STK31: variants seen among roughly 807,000 people sequenced by gnomAD.
The protein encoded by STK31 is serine/threonine-protein kinase 31.
Under a neutral mutation model 129.7 loss-of-function variants are expected in STK31, and 89 were observed. The ratio of observed to expected loss-of-function variants is 0.69; its 90% CI spans 0.58 to 0.82. The LOEUF is 0.82. Ranked by LOEUF, STK31 falls within the 40% of genes least tolerant of loss-of-function variation. The pLI, the probability that STK31 is intolerant of heterozygous loss-of-function variation, is 0.00. For missense variants in STK31, 1,187 were observed against 1,176.4 expected (o/e 1.01, Z -0.13); for synonymous variants, 448 against 395.3 (o/e 1.13, Z -1.58).
intron 22 of STK31, among the ~76,000 whole-genome samples, chr7:23,792,538 G>C (rs1177938772): frequency 6.6e-6 from 1 of 152,046 alleles, no homozygotes; most frequent in East Asian, 1.9e-4. Flanking sequence ...GTTGTTCTTG[G>C]CTTATAGATT....
chr7:23,824,071 G>GCT (rs1348611450), intron 23 of STK31, among the ~76,000 whole-genome samples: 2 of 152,148 alleles, frequency 1.3e-5, no homozygotes, highest in African/African-American at 4.8e-5. Flanking sequence ...GGATTGACTT[G>GCT]GCAATGCGGG....
At chr7:23,784,991 T>A (rs1234002828) in intron 17 of STK31, among the ~76,000 whole-genome samples, 2 of 152,174 alleles carry the variant, frequency 1.3e-5, no homozygotes, top group African/African-American at 4.8e-5. Flanking sequence ...TTTTTACAAA[T>A]GTTTATTTCA....
chr7:23,751,445 C>G (rs772945343), intron 8 of STK31, among the ~76,000 whole-genome samples: 10 of 152,124 alleles, frequency 6.6e-5, no homozygotes, highest in Non-Finnish European at 1.3e-4. Context: ...TGGTTTCAGT[C>G]CTTTTAAGTT....
chr7:23,754,346 G>A lies in STK31; in HGVS notation c.1165G>A (p.Asp389Asn). The A allele has an allele frequency of 6.2e-7, 1 of 1,612,550 alleles. No homozygotes were observed. The highest frequency in any genetic ancestry group is 8.5e-7 in the Non-Finnish European group (1 of 1,179,596). ...HVDISVRFGK[D>N]LSDAIQVLDE... ...CGACATCAGTGTCCGTTTCGGAAAAGACCTTTCAGATGCTATACAAGTGTT... is the reference window on the plus strand; with the variant it reads ...CGACATCAGTGTCCGTTTCGGAAAAAACCTTTCAGATGCTATACAAGTGTT... The change falls in exon 10 of 24, where the codon GAC (aspartate) becomes AAC (asparagine). Residue 389 changes from aspartate to asparagine, a missense_variant. By Grantham distance (23) the Asp-to-Asn change is conservative (BLOSUM62 1). This residue lies in a region of STK31 where 975 missense variants were observed against 934.9 expected (regional missense o/e 1.04). Coordinates refer to ENST00000355870, the MANE Select transcript of STK31 (RefSeq NM_031414.5).
intron 22 of STK31, among the ~76,000 whole-genome samples, chr7:23,803,229 T>C (rs898436615): frequency 6.6e-6 from 1 of 152,008 alleles, no homozygotes; most frequent in African/African-American, 2.4e-5. Context: ...TAGTGTAAAA[T>C]ATATAAAAGG....
chr7:23,712,846 C>T (rs1225722395), intron 3 of STK31, among the ~76,000 whole-genome samples: 17 of 152,124 alleles, frequency 1.1e-4, no homozygotes, highest in Admixed American at 1.1e-3. Flanking sequence ...AGGTAAATTC[C>T]TCTGATGCAC....
intron 22 of STK31, among the ~76,000 whole-genome samples, chr7:23,806,922 AGAG>A (rs1792750616): frequency 6.7e-6 from 1 of 148,660 alleles, no homozygotes; most frequent in East Asian, 2.0e-4. Context: ...AAAAAAAAAA[AGAG>A]AGATACAGGA....
chr7:23,797,628 T>C (rs1792057126), intron 22 of STK31, among the ~76,000 whole-genome samples: 1 of 152,114 alleles, frequency 6.6e-6, no homozygotes, highest in African/African-American at 2.4e-5. Flanking sequence ...AGAGGGAAAT[T>C]TATAGCACTA....
chr7:23,730,856 TTATATATA>T (rs201160478), intron 6 of STK31, among the ~76,000 whole-genome samples: 10 of 75,230 alleles, frequency 1.3e-4, no homozygotes, highest in Admixed American at 8.2e-4. Flanking sequence ...ATATAAACAT[TTATATATA>T]TATATATATA....
intron 23 of STK31, among the ~76,000 whole-genome samples, chr7:23,816,663 A>G (rs1292911924): frequency 1.3e-5 from 2 of 152,196 alleles, no homozygotes; most frequent in Non-Finnish European, 2.9e-5. Context: ...CCCTGTTTCC[A>G]TCATGGCAGC....
chr7:23,751,661 A>G (rs932855483), intron 8 of STK31, among the ~76,000 whole-genome samples: 2 of 152,172 alleles, frequency 1.3e-5, no homozygotes, highest in Admixed American at 6.5e-5. Context: ...AAGTACTGAA[A>G]TCTAAATATT....
chr7:23,772,426 G>T, intron 15 of STK31, 148 bp downstream of exon 15: 1 of 780,902 alleles, frequency 1.3e-6, no homozygotes. Context: ...CTTGTTTTCT[G>T]TGTATATAAA....
In STK31 at chr7:23,769,012, A is replaced by G. The variant is rs1297704574; in HGVS notation, c.1434A>G (p.Leu478=). ...CTCTGCAGGATTTGTCAGTCTCTTT[A>G]GAAGCAGTGTATGGACAAGCCAAAG... is the stretch of plus-strand genomic sequence containing the variant. ...LKTLQDLSVS[L]EAVYGQAKEG... is the part of the protein sequence containing the mutation. Residue 478 remains leucine, a synonymous_variant, in exon 12 of 24, where the codon TTA becomes TTG. Transcript: ENST00000355870. 3.1e-6 allele frequency: 5 copies of G among 1,602,414 alleles called. No individual in the cohort carries two copies. The African/African-American group carries it at 4.0e-5, about 13-fold the overall frequency.
intron 22 of STK31, among the ~76,000 whole-genome samples, chr7:23,793,712 A>G (rs193094731): frequency 6.4e-4 from 98 of 152,326 alleles, no homozygotes; most frequent in African/African-American, 2.2e-3. Context: ...ACTATAATGT[A>G]TAAAATTAAA....
At position 23,785,607 on chromosome 7, in the gene STK31, A is replaced by G; in HGVS notation, c.2274+4A>G. 6.2e-7 allele frequency: 1 copy of G among 1,610,382 alleles called. No individual in the cohort carries two copies. Among genetic ancestry groups the G allele is most frequent in the Non-Finnish European group, 8.5e-7 (1 of 1,177,350 alleles). On this transcript the variant is annotated splice_donor_region_variant and intron_variant, in intron 18 of 23. Coordinates refer to ENST00000355870, the MANE Select transcript of STK31 (RefSeq NM_031414.5). ...TGGGCAGATAATTCTGTTAAAGGTA[A>G]GTCTAACTTCTTCTTACTTGTGGGA... is the stretch of plus-strand genomic sequence containing the variant.
At chr7:23,818,799 A>AT (rs1793616699) in intron 23 of STK31, among the ~76,000 whole-genome samples, 1 of 151,874 alleles carries the variant, frequency 6.6e-6, no homozygotes, top group Non-Finnish European at 1.5e-5. Context: ...TAATTTTTGT[A>AT]TTTTTAGTAG....
intron 22 of STK31, among the ~76,000 whole-genome samples, chr7:23,812,823 C>A (rs1463611778): frequency 5.9e-5 from 9 of 152,106 alleles, no homozygotes; most frequent in Admixed American, 5.9e-4. Flanking sequence ...CGATTCCATC[C>A]ATGTTGCTGC....
intron 22 of STK31, among the ~76,000 whole-genome samples, chr7:23,811,924 C>G (rs1031545828): frequency 6.6e-6 from 1 of 152,090 alleles, no homozygotes; most frequent in East Asian, 1.9e-4. Context: ...ATATCATTGT[C>G]TTGAGTATCA....
At chr7:23,823,288 T>G (rs2128130950) in intron 23 of STK31, among the ~76,000 whole-genome samples, 1 of 152,282 alleles carries the variant, frequency 6.6e-6, no homozygotes, top group African/African-American at 2.4e-5. Flanking sequence ...TGATCACCAT[T>G]CTAACTGGTG....
Sources: gnomAD v4.1 joint callset for allele counts (sites outside exome capture counted in the v4.1 genomes callset) on GRCh38, gnomAD v4.1.1 for gene constraint, gnomAD v4.1.1 regional missense constraint, MANE v1.5 for transcripts, NCBI Gene and HGNC (gene_info 2026-07-23, HGNC 2026-07-21) for gene names.